Variants in ESRRG observed in about 807,000 individuals in gnomAD.
ESRRG encodes estrogen-related receptor gamma.
ESRRG carries 13 observed loss-of-function variants against 44.0 expected under a neutral mutation model. That is an observed-to-expected ratio of 0.30 (90% confidence interval 0.19 to 0.47). The LOEUF is 0.47. Among genes scored for constraint, ESRRG ranks in the 20% least tolerant of loss-of-function variants. ESRRG has a pLI of 1.00. For missense variants in ESRRG, 395 were observed against 580.6 expected (o/e 0.68, Z 3.29); for synonymous variants, 215 against 214.6 (o/e 1.00, Z -0.02).
chr1:217,029,588 A>G (rs1172574023), intron 1 of ESRRG, among the ~76,000 whole-genome samples: 3 of 152,122 alleles, frequency 2.0e-5, no homozygotes, highest in South Asian at 2.1e-4. Context: ...TGTCCATTCA[A>G]TTTTCTCTCT....
At chr1:216,773,548 A>G (rs2093468869) in intron 2 of ESRRG, among the ~76,000 whole-genome samples, 1 of 152,154 alleles carries the variant, frequency 6.6e-6, no homozygotes, top group African/African-American at 2.4e-5. Flanking sequence ...CATAGACTTA[A>G]TAAGAGGGAC....
At chr1:216,860,162 G>A (rs989201491) in intron 2 of ESRRG, among the ~76,000 whole-genome samples, 1 of 152,174 alleles carries the variant, frequency 6.6e-6, no homozygotes, top group African/African-American at 2.4e-5. Context: ...CTATTCATGA[G>A]GCTGAGACAG....
rs544163012 is a variant in ESRRG, at chr1:216,890,650, T to C, written c.-14+48932A>G. On this transcript the variant is annotated intron_variant, in intron 2 of 7. Transcript: ENST00000359162. ...GTATAGAAGAATAAACTCAGCCAAATACATCCCCTTATTGCCCTCACCCTG... is the reference window on the plus strand; with the variant it reads ...GTATAGAAGAATAAACTCAGCCAAACACATCCCCTTATTGCCCTCACCCTG... 3.3e-5 allele frequency among the ~76,000 whole-genome samples: 5 copies of C among 152,292 alleles called. No homozygotes were observed. The East Asian group carries it at 7.7e-4, about 24-fold the overall frequency.
At chr1:217,033,252 T>C (rs749971457) in intron 1 of ESRRG, among the ~76,000 whole-genome samples, 1 of 152,120 alleles carries the variant, frequency 6.6e-6, no homozygotes, top group Non-Finnish European at 1.5e-5. Context: ...GAAGCACCTG[T>C]CCCCTTTTTG....
At chr1:216,633,123 G>A (rs1385026962) in intron 3 of ESRRG, among the ~76,000 whole-genome samples, 1 of 152,148 alleles carries the variant, frequency 6.6e-6, no homozygotes, top group African/African-American at 2.4e-5. Flanking sequence ...AGAAATGCTG[G>A]GATGGCATTA....
chr1:216,980,036 T>C (rs2073668276), intron 1 of ESRRG, among the ~76,000 whole-genome samples: 1 of 150,980 alleles, frequency 6.6e-6, no homozygotes, highest in East Asian at 1.9e-4. Flanking sequence ...ATGCTATTTT[T>C]CCCCTTTCTT....
intron 1 of ESRRG, among the ~76,000 whole-genome samples, chr1:216,967,169 G>A (rs1223706165): frequency 6.6e-6 from 1 of 151,738 alleles, no homozygotes; most frequent in East Asian, 1.9e-4. Flanking sequence ...ACACAGCATC[G>A]CCCCCCCTCC....
chr1:217,086,409 A>G (rs2092086855), intron 1 of ESRRG, among the ~76,000 whole-genome samples: 1 of 152,208 alleles, frequency 6.6e-6, no homozygotes, highest in Non-Finnish European at 1.5e-5. Flanking sequence ...ATTGTCTTGA[A>G]AAGTTTAAAT....
rs796593670 is a variant in ESRRG, at chr1:216,929,262, GCTTC to G, written c.-14+10316_-14+10319del. 4.1e-4 allele frequency among the ~76,000 whole-genome samples: 63 copies of G among 151,828 alleles called. 1 individual carries two copies. Among genetic ancestry groups the G allele is most frequent in the East Asian group, 2.3e-3 (12 of 5,140 alleles). On this transcript the variant is annotated intron_variant, in intron 2 of 7. Transcript: ENST00000359162. ...GGTCACTCAAATTTCTTCCTTCCTTGCTTCCTTCCTTCCTTCCTTCCTTCCCTCT... is the reference window on the plus strand; with the variant it reads ...GGTCACTCAAATTTCTTCCTTCCTTGCTTCCTTCCTTCCTTCCTTCCCTCT...
chr1:217,071,024 TTCC>T (rs1172767607), intron 1 of ESRRG, among the ~76,000 whole-genome samples: 2 of 151,908 alleles, frequency 1.3e-5, no homozygotes, highest in Non-Finnish European at 2.9e-5. Flanking sequence ...CTTTCTCTTC[TTCC>T]TCCTCCTCTT....
At chr1:216,666,255 T>C (rs1442253547) in intron 2 of ESRRG, among the ~76,000 whole-genome samples, 1 of 152,230 alleles carries the variant, frequency 6.6e-6, no homozygotes, top group African/African-American at 2.4e-5. Flanking sequence ...ATTCATTTTT[T>C]GTTTTCTTTC....
chr1:217,103,048 T>C (rs1267883768), intron 1 of ESRRG, among the ~76,000 whole-genome samples: 1 of 152,214 alleles, frequency 6.6e-6, no homozygotes, highest in African/African-American at 2.4e-5. Context: ...TACTGTCAAA[T>C]AATTCTGTCA....
At chr1:216,846,513 C>T (rs12059338) in intron 2 of ESRRG, among the ~76,000 whole-genome samples, 5,129 of 152,148 alleles carry the variant, frequency 0.034, 301 homozygotes, top group African/African-American at 0.11. Context: ...GCTGTGACTA[C>T]GTTCCGATAA....
intron 1 of ESRRG, among the ~76,000 whole-genome samples, chr1:216,972,008 G>A (rs754739315): frequency 1.8e-4 from 27 of 152,168 alleles, no homozygotes; most frequent in Non-Finnish European, 3.2e-4. Context: ...ATGATTTTGA[G>A]GTTAGGGTGT....
chr1:217,034,409 T>G (rs1465507137), intron 1 of ESRRG, among the ~76,000 whole-genome samples: 2 of 152,160 alleles, frequency 1.3e-5, no homozygotes, highest in Non-Finnish European at 2.9e-5. Flanking sequence ...CACGTTCTTT[T>G]GAAAATTTTT....
intron 1 of ESRRG, among the ~76,000 whole-genome samples, chr1:217,110,365 C>T (rs1343357546): frequency 6.6e-6 from 1 of 152,168 alleles, no homozygotes; most frequent in East Asian, 1.9e-4. Context: ...TTCCTGAAAC[C>T]CAGACCTTCA....
At chr1:216,616,278 A>G (rs926768498) in intron 3 of ESRRG, among the ~76,000 whole-genome samples, 2 of 152,152 alleles carry the variant, frequency 1.3e-5, no homozygotes, top group Non-Finnish European at 2.9e-5. Flanking sequence ...AAAGCCTACC[A>G]GGAGATTGGT....
At chr1:216,849,821 T>C (rs897975714) in intron 2 of ESRRG, among the ~76,000 whole-genome samples, 4 of 152,124 alleles carry the variant, frequency 2.6e-5, no homozygotes, top group Non-Finnish European at 5.9e-5. Flanking sequence ...ACAGTAATAT[T>C]GAGCCATCTA....
intron 1 of ESRRG, among the ~76,000 whole-genome samples, chr1:216,950,536 A>G (rs1482418924): frequency 6.6e-6 from 1 of 152,172 alleles, no homozygotes; most frequent in Non-Finnish European, 1.5e-5. Context: ...TGTCTATGGA[A>G]ACAGCATCCA....
Sources: gnomAD v4.1 joint callset for allele counts (sites outside exome capture counted in the v4.1 genomes callset) on GRCh38, gnomAD v4.1.1 for gene constraint, MANE v1.5 for transcripts, NCBI Gene and HGNC (gene_info 2026-07-23, HGNC 2026-07-21) for gene names.